Variants in AP1B1 observed in about 807,000 individuals in gnomAD.
AP1B1 encodes AP-1 complex subunit beta-1.
In AP1B1, 36 loss-of-function variants were observed where a neutral mutation model predicts 104.3. The ratio of observed to expected loss-of-function variants is 0.35; its 90% CI spans 0.26 to 0.46. AP1B1 has a LOEUF of 0.46. AP1B1 is among the 20% of genes least tolerant of loss of function. The pLI is 1.00. For synonymous variants in AP1B1, 504 were observed against 517.5 expected, an observed-to-expected ratio of 0.97 and a Z score of 0.35; for missense variants, 901 against 1,247.9, an observed-to-expected ratio of 0.72 and a Z score of 4.19.
intron 21 of AP1B1, 192 bp downstream of exon 21, chr22:29,330,185 TG>T (rs989582996): frequency 6.9e-7 from 1 of 1,446,446 alleles, no homozygotes; most frequent in Non-Finnish European, 9.1e-7. Flanking sequence ...GAGACCCAAT[TG>T]GTGTCTTATC....
intron 11 of AP1B1, among the ~76,000 whole-genome samples, chr22:29,343,576 T>TA (rs1389770499): frequency 6.6e-6 from 1 of 152,240 alleles, no homozygotes; most frequent in Non-Finnish European, 1.5e-5. Context: ...GGAAGCCGTT[T>TA]ACCCCCATCT....
At chr22:29,382,464 A>G (rs1347949540) in intron 1 of AP1B1, among the ~76,000 whole-genome samples, 1 of 152,214 alleles carries the variant, frequency 6.6e-6, no homozygotes, top group Non-Finnish European at 1.5e-5. Context: ...GGAATGCAGG[A>G]GTGAAAGAAA....
At chr22:29,375,195 A>G (rs2148040575) in intron 1 of AP1B1, among the ~76,000 whole-genome samples, 1 of 125,978 alleles carries the variant, frequency 7.9e-6, no homozygotes, top group East Asian at 3.3e-4. Flanking sequence ...CTAAAAACAC[A>G]AAAAAATTAG....
chr22:29,334,202 C>T (rs2061603772), intron 17 of AP1B1, 63 bp downstream of exon 17: 5 of 1,476,472 alleles, frequency 3.4e-6, no homozygotes, highest in Non-Finnish European at 3.6e-6. Flanking sequence ...CCAGAACAGA[C>T]TCCGAGTGGG....
intron 21 of AP1B1, 65 bp from the exon 22 acceptor site, chr22:29,329,785 C>G: frequency 6.2e-7 from 1 of 1,607,936 alleles, no homozygotes; most frequent in Non-Finnish European, 8.5e-7. Context: ...ACGGAAGTTA[C>G]CACCACCGAA....
intron 1 of AP1B1, among the ~76,000 whole-genome samples, chr22:29,384,892 T>C (rs2148063986): frequency 6.6e-6 from 1 of 152,046 alleles, no homozygotes; most frequent in East Asian, 1.9e-4. Flanking sequence ...GCTATTTACT[T>C]AGAAGAGAGC....
chr22:29,328,634 G>A lies in AP1B1; in HGVS notation c.*187C>T, dbSNP rs1447354571. The A allele has an allele frequency of 1.2e-5, 8 of 663,578 alleles. No homozygotes were observed. The highest frequency in any genetic ancestry group is 1.5e-5 in the Non-Finnish European group (6 of 397,560). The allele number at this position is 663,578 out of a possible 1,614,324, so 41.1% of individuals were successfully genotyped here. A position where few individuals can be genotyped will look rare whatever the true frequency, so the allele number is the denominator to read the frequency against. The stretch of plus-strand genomic sequence containing the variant: ...GTCCCAGAGCACGGGAGTGCACTGC[G>A]CTCTCACCCCAGGAGGGGGTGGTGC... On this transcript the variant is annotated 3_prime_UTR_variant, in exon 23 of 23. Coordinates refer to ENST00000357586, the MANE Select transcript of AP1B1 (RefSeq NM_001127.4). This position sits in a 1 kb window ranked among gnomAD's most constrained non-coding sequence, Gnocchi z 4.1.
chr22:29,356,733 T>A (rs2061964570), intron 5 of AP1B1, 117 bp from the exon 6 acceptor site: 1 of 1,004,030 alleles, frequency 1.0e-6, no homozygotes, highest in Non-Finnish European at 1.5e-6. Context: ...TATGACCCAA[T>A]GGGCAGGGTC....
intron 1 of AP1B1, among the ~76,000 whole-genome samples, chr22:29,377,031 A>G (rs1446625691): frequency 6.6e-6 from 1 of 151,906 alleles, no homozygotes; most frequent in African/African-American, 2.4e-5. Flanking sequence ...CCCTGTCTCT[A>G]CTGAAAATAC....
At position 29,359,733 on chromosome 22, in the gene AP1B1, T is replaced by C. The variant is rs545013520; in HGVS notation, c.279+91A>G. 4.6e-6 allele frequency: 7 copies of C among 1,512,124 alleles called. No homozygotes were observed. In the South Asian group the frequency reaches 9.5e-5, roughly 21 times the overall value. The allele number at this position is 1,512,124 out of a possible 1,614,324, so 93.7% of individuals were successfully genotyped here. A position where few individuals can be genotyped will look rare whatever the true frequency, so the allele number is the denominator to read the frequency against. On this transcript the variant is annotated intron_variant, in intron 4 of 22. Coordinates refer to ENST00000357586, the MANE Select transcript of AP1B1 (RefSeq NM_001127.4). ...GGGCAGTCTGAAGGTCTGGACTCCA[T>C]CCAGTGCCACAGGGCCCCGCCCCAA...
Position 29,330,473 on chromosome 22 carries a change from C to A in AP1B1, c.2671G>T (p.Glu891Ter). 1 of 1,613,624 alleles carries A rather than the reference C, an allele frequency of 6.2e-7. No individual in the cohort carries two copies. Among genetic ancestry groups the A allele is most frequent in the South Asian group, 1.1e-5 (1 of 91,088 alleles). Residue 891 changes from glutamate to a stop codon, truncating the protein, a stop_gained, in exon 21 of 23, where the codon GAG becomes TAG. Transcript: ENST00000357586. LOFTEE classifies it high-confidence loss of function. ...GACTGGTAGAGCATGTCCTGGCCCT[C>A]CACGTTCCTCTTGGCGACAGTGAAG... The part of the protein sequence containing the change: ...NIFTVAKRNV[E>*]GQDMLYQSLK...
Position 29,342,385 on chromosome 22 carries a change from T to C in AP1B1, c.1438-2A>G. 6.2e-7 allele frequency: 1 copy of C among 1,612,838 alleles called. No individual in the cohort carries two copies. The highest frequency in any genetic ancestry group is 1.1e-5 in the South Asian group (1 of 91,032). ...GGCTGTCAGCAGCTGCAGCTGGACC[T>C]GCAGGGAACAGCGGTGACGAGGAGG... On this transcript the variant is annotated splice_acceptor_variant, in intron 11 of 22. Coordinates refer to ENST00000357586, the MANE Select transcript of AP1B1 (RefSeq NM_001127.4). LOFTEE classifies it high-confidence loss of function.
rs3747143 is a variant in AP1B1, at chr22:29,331,256, C to A, written c.2524+193G>T. ...CATGTGGCACAGCCCACCTGCCAGA[C>A]CAGAACTGGCCACTAAGGCCGGGGG... is the stretch of plus-strand genomic sequence containing the variant. On this transcript the variant is annotated intron_variant, in intron 19 of 22. Transcript: ENST00000357586. Among the ~76,000 whole-genome samples the A allele has an allele frequency of 1.3e-4, 20 of 152,294 alleles. No homozygotes were observed. The East Asian group carries it at 3.3e-3, about 25-fold the overall frequency.
intron 22 of AP1B1, chr22:29,329,278 C>T (rs1166997331): frequency 1.2e-5 from 14 of 1,147,964 alleles, no homozygotes; most frequent in Non-Finnish European, 1.5e-5. Flanking sequence ...CGAGGGGGTG[C>T]GGAGGGCTGG....
chr22:29,334,014 G>A (rs1219630239), intron 17 of AP1B1, among the ~76,000 whole-genome samples: 1 of 152,194 alleles, frequency 6.6e-6, no homozygotes, highest in Non-Finnish European at 1.5e-5. Flanking sequence ...GCAGTGAGCC[G>A]AGATGGCGCT....
At position 29,341,590 on chromosome 22, in the gene AP1B1, C is replaced by T. The variant is rs139449922; in HGVS notation, c.1707G>A (p.Thr569=). The change falls in exon 13 of 23, where the codon ACG becomes ACA. Residue 569 remains threonine (T), a synonymous_variant. Transcript: ENST00000357586. ...LLDELICYIG[T]LASVYHKPPS... is the part of the protein sequence containing the mutation. ...GAGGCTTATGGTAGACGGAAGCCAG[C>T]GTGCCGATGTAGCAGATAAGCTCGT... The T allele has an allele frequency of 1.6e-5, 26 of 1,614,222 alleles. No individual in the cohort carries two copies. The African/African-American group carries it at 2.3e-4, about 14-fold the overall frequency.
intron 17 of AP1B1, 127 bp from the exon 18 acceptor site, chr22:29,332,043 ATG>A: frequency 2.0e-6 from 2 of 995,138 alleles, no homozygotes. Context: ...CAGCCTTCCC[ATG>A]TTCTGGACCC....
chr22:29,341,547 C>G lies in AP1B1; in HGVS notation c.1750G>C (p.Gly584Arg), dbSNP rs760162142. 4.3e-6 allele frequency: 7 copies of G among 1,614,170 alleles called. No individual in the cohort carries two copies. The highest frequency in any genetic ancestry group is 1.7e-5 in the Admixed American group (1 of 60,028). The change falls in exon 13 of 23, where the codon GGG becomes CGG. Residue 584 changes from glycine (G) to arginine (R), a missense_variant. Physicochemically the swap from Gly to Arg is moderately radical, Grantham distance 125. Transcript: ENST00000357586. ...YHKPPSAFVE[G>R]GRGVVHKSLP... Reference sequence around the variant, plus strand: ...CTCTTGTGCACGACGCCCCGGCCCCCCTCCACAAAGGCACTGGGAGGCTTA... The same window carrying G: ...CTCTTGTGCACGACGCCCCGGCCCCGCTCCACAAAGGCACTGGGAGGCTTA...
At chr22:29,378,552 C>CAAA (rs145933767) in intron 1 of AP1B1, among the ~76,000 whole-genome samples, 12 of 48,474 alleles carry the variant, frequency 2.5e-4, no homozygotes, top group South Asian at 9.6e-4. Flanking sequence ...AACTCCGTAT[C>CAAA]AAAAAAAAAA....
Sources: gnomAD v4.1 joint callset for allele counts (sites outside exome capture counted in the v4.1 genomes callset) on GRCh38, gnomAD v4.1.1 for gene constraint, Gnocchi (gnomAD v3.1) non-coding constraint, MANE v1.5 for transcripts, NCBI Gene and HGNC (gene_info 2026-07-23, HGNC 2026-07-21) for gene names.